The following RPS6KA2 variants were observed in gnomAD, a reference collection of about 807,000 sequenced individuals.
RPS6KA2 encodes the protein ribosomal protein S6 kinase alpha-2.
Under a neutral mutation model 91.8 loss-of-function variants are expected in RPS6KA2, and 42 were observed. That is an observed-to-expected ratio of 0.46 (90% CI 0.36 to 0.59). The LOEUF is 0.59. Among genes scored for constraint, RPS6KA2 ranks in the 20% least tolerant of loss-of-function variants. The pLI, the probability that RPS6KA2 is intolerant of heterozygous loss-of-function variation, is 0.00. For synonymous variants in RPS6KA2, 414 were observed against 393.6 expected, an observed-to-expected ratio of 1.05 and a Z score of -0.61; for missense variants, 798 against 978.5, an observed-to-expected ratio of 0.82 and a Z score of 2.46.
At chr6:166,819,939 G>T (rs1779862495) in intron 2 of RPS6KA2, among the ~76,000 whole-genome samples, 1 of 152,122 alleles carries the variant, frequency 6.6e-6, no homozygotes, top group African/African-American at 2.4e-5. Flanking sequence ...TCCTCCTCAA[G>T]AGTTTTTCCA....
intron 3 of RPS6KA2, among the ~76,000 whole-genome samples, chr6:166,513,987 G>A (rs1782555718): frequency 6.6e-6 from 1 of 152,198 alleles, no homozygotes; most frequent in Non-Finnish European, 1.5e-5. Context: ...GTGAGTTCAT[G>A]TCTTAGTGAT....
chr6:166,550,994 C>CAAAAAAAGAAAAAAA lies in RPS6KA2; in HGVS notation c.100-12211_100-12210insTTTTTTTCTTTTTTT, dbSNP rs71554314. On this transcript the variant is annotated intron_variant, in intron 1 of 20. Coordinates refer to ENST00000265678, the MANE Select transcript of RPS6KA2 (RefSeq NM_021135.6). ...CTGGCAACAGAGCCGGACTCTATCT[C>CAAAAAAAGAAAAAAA]AAAAAAAAAAAAAAAAAGAACGTGA... Among the ~76,000 whole-genome samples the CAAAAAAAGAAAAAAA allele has an allele frequency of 3.8e-5, 4 of 106,380 alleles. 1 individual carries two copies. Among genetic ancestry groups the CAAAAAAAGAAAAAAA allele is most frequent in the Non-Finnish European group, 8.0e-5 (4 of 50,262 alleles). 69.8% of individuals were successfully genotyped at this position (106,380 alleles called of 152,430 possible).
chr6:166,679,054 C>T (rs1212494961), intron 2 of RPS6KA2, among the ~76,000 whole-genome samples: 3 of 152,198 alleles, frequency 2.0e-5, no homozygotes, highest in Non-Finnish European at 2.9e-5. Context: ...CCTGGTTGAC[C>T]AATTACCAGC....
intron 10 of RPS6KA2, among the ~76,000 whole-genome samples, chr6:166,487,882 T>C (rs1204470121): frequency 6.6e-6 from 1 of 152,220 alleles, no homozygotes. Flanking sequence ...TTGATTAGCT[T>C]CACTTTCAAT....
At chr6:166,526,446 A>T (rs1020022711) in intron 3 of RPS6KA2, among the ~76,000 whole-genome samples, 1 of 149,426 alleles carries the variant, frequency 6.7e-6, no homozygotes, top group Admixed American at 6.8e-5. Context: ...CTTGGGCTTA[A>T]GCAATCCTCC....
chr6:166,478,162 C>T (rs1781050473), intron 10 of RPS6KA2, among the ~76,000 whole-genome samples: 2 of 152,210 alleles, frequency 1.3e-5, no homozygotes, highest in Admixed American at 1.3e-4. Flanking sequence ...GGTTACCATG[C>T]GTCACCTCAG....
chr6:166,586,346 A>C, intron 1 of RPS6KA2: 2 of 1,599,440 alleles, frequency 1.3e-6, no homozygotes, highest in Non-Finnish European at 8.5e-7. Flanking sequence ...CAGCTCTGCT[A>C]TTCCATTCCT....
At chr6:166,468,856 T>TCCGCCTCAAAAAAAAAAAA (rs567161437) in intron 11 of RPS6KA2, among the ~76,000 whole-genome samples, 3 of 112,184 alleles carry the variant, frequency 2.7e-5, no homozygotes, top group African/African-American at 3.9e-5. Flanking sequence ...AGAGCGAGAC[T>TCCGCCTCAAAAAAAAAAAA]AAAAAAAAAA....
intron 2 of RPS6KA2, chr6:166,701,439 G>A: frequency 8.3e-7 from 1 of 1,203,156 alleles, no homozygotes; most frequent in South Asian, 1.2e-5. Flanking sequence ...CCTGAGCCTT[G>A]AACCGAGCCT....
At chr6:166,682,346 G>C (rs1788848496) in intron 2 of RPS6KA2, among the ~76,000 whole-genome samples, 1 of 152,184 alleles carries the variant, frequency 6.6e-6, no homozygotes, top group Non-Finnish European at 1.5e-5. Context: ...CTCCGTGTCT[G>C]GCTCAGTATC....
At position 166,648,306 on chromosome 6, in the gene RPS6KA2, T is replaced by C. The variant is rs556141359; in HGVS notation, c.124-109522A>G. On this transcript the variant is annotated intron_variant, in intron 2 of 21. Coordinates refer to the RPS6KA2 transcript ENST00000503859. The surrounding 1 kb of genome is among the most constrained non-coding windows in gnomAD (Gnocchi z 4.8). ...CACACAGTATGCACACACACGCATG[T>C]ATACACATGCACACACACATACATG... Among the ~76,000 whole-genome samples, 396 of 151,736 alleles carry C rather than the reference T, an allele frequency of 2.6e-3. 2 individuals are homozygous for C. Among genetic ancestry groups the C allele is most frequent in the African/African-American group, 8.8e-3 (366 of 41,370 alleles).
intron 2 of RPS6KA2, among the ~76,000 whole-genome samples, chr6:166,681,901 CG>C (rs1562380323): frequency 6.6e-6 from 1 of 152,106 alleles, no homozygotes; most frequent in African/African-American, 2.4e-5. Flanking sequence ...ATCCCTTGAT[CG>C]GCTCCTTCTG....
intron 2 of RPS6KA2, among the ~76,000 whole-genome samples, chr6:166,729,612 G>A (rs910031618): frequency 2.6e-5 from 4 of 152,188 alleles, no homozygotes; most frequent in African/African-American, 7.2e-5. Flanking sequence ...AAACTGTTGG[G>A]ATTACAGACA....
chr6:166,555,696 A>G (rs1012424196), intron 1 of RPS6KA2, among the ~76,000 whole-genome samples: 2 of 151,818 alleles, frequency 1.3e-5, no homozygotes, highest in African/African-American at 2.4e-5. Context: ...TTACGCTTAC[A>G]TTTCCCAGTC....
rs548171875 is a variant in RPS6KA2, at chr6:166,546,834, T to A, written c.100-8050A>T. Among the ~76,000 whole-genome samples the A allele has an allele frequency of 3.3e-5, 5 of 152,316 alleles. No homozygotes were observed. The East Asian group carries it at 9.6e-4, about 29-fold the overall frequency. ...TAAGTTGATGGCTGCGATGTTTCCA[T>A]TAAGAAGAATAAAAAATGCTGAGTC... is the stretch of plus-strand genomic sequence containing the variant. On this transcript the variant is annotated intron_variant, in intron 1 of 20. Coordinates refer to ENST00000265678, the MANE Select transcript of RPS6KA2 (RefSeq NM_021135.6).
rs1354441090 is a variant in RPS6KA2, at chr6:166,862,266, T to C, written c.-96A>G. On this transcript the variant is annotated 5_prime_UTR_variant, in exon 1 of 22. Transcript: ENST00000503859. ...CACAGGGGGACGGCCAGACGGGATG[T>C]CGGAAGCCAAGGGACGCAGAGGCCG... is the stretch of plus-strand genomic sequence containing the variant. 1.9e-6 allele frequency: 3 copies of C among 1,597,664 alleles called. No homozygotes were observed. The East Asian group carries it at 6.7e-5, about 36-fold the overall frequency.
At chr6:166,751,908 C>T (rs998291849) in intron 2 of RPS6KA2, among the ~76,000 whole-genome samples, 4 of 152,012 alleles carry the variant, frequency 2.6e-5, no homozygotes, top group Non-Finnish European at 4.4e-5. Context: ...AGAAGCCAGA[C>T]GCTGTGGAAC....
chr6:166,708,981 G>T (rs144524098), intron 2 of RPS6KA2, among the ~76,000 whole-genome samples: 1 of 152,188 alleles, frequency 6.6e-6, no homozygotes. Context: ...GTGACACACC[G>T]CTCCGTGTTG....
At position 166,588,645 on chromosome 6, in the gene RPS6KA2, A is replaced by G. The variant is rs867150632; in HGVS notation, c.99+38276T>C. ...ACATAATTCCTATTTGTACAGAAAA[A>G]CAATCAAAGGTGGAACTAGATCGTC... On this transcript the variant is annotated intron_variant, in intron 1 of 20. Transcript: ENST00000265678. Among the ~76,000 whole-genome samples the G allele has an allele frequency of 2.0e-5, 3 of 152,180 alleles. No individual in the cohort carries two copies. In the South Asian group the frequency reaches 6.2e-4, roughly 31 times the overall value.
Sources: gnomAD v4.1 joint callset for allele counts (sites outside exome capture counted in the v4.1 genomes callset) on GRCh38, gnomAD v4.1.1 for gene constraint, Gnocchi (gnomAD v3.1) non-coding constraint, MANE v1.5 for transcripts, NCBI Gene and HGNC (gene_info 2026-07-23, HGNC 2026-07-21) for gene names.